Variants in RGL1 observed in about 807,000 individuals in gnomAD.
RGL1 encodes the protein ral guanine nucleotide dissociation stimulator-like 1.
In RGL1, 24 loss-of-function variants were observed where a neutral mutation model predicts 95.2. The ratio of observed to expected loss-of-function variants is 0.25; its 90% CI spans 0.18 to 0.35. RGL1 has a LOEUF of 0.35. Ranked by LOEUF, RGL1 falls within the 10% of genes least tolerant of loss-of-function variation. RGL1 has a pLI of 1.00. For missense variants in RGL1, 715 were observed against 936.3 expected (o/e 0.76, Z 3.08); for synonymous variants, 329 against 344.9 (o/e 0.95, Z 0.51).
intron 3 of RGL1, among the ~76,000 whole-genome samples, chr1:183,854,966 T>C (rs1346422920): frequency 1.3e-5 from 2 of 152,216 alleles, no homozygotes; most frequent in African/African-American, 4.8e-5. Flanking sequence ...TCAAGGCATT[T>C]ATTATTATTT....
chr1:183,654,449 T>C (rs1231447989), intron 1 of RGL1, among the ~76,000 whole-genome samples: 2 of 152,216 alleles, frequency 1.3e-5, no homozygotes, highest in Admixed American at 1.3e-4. Context: ...GACAATCTAT[T>C]GCAAACATTA....
At chr1:183,805,469 G>A (rs1661229396) in intron 1 of RGL1, 145 bp downstream of exon 1, 1 of 744,864 alleles carries the variant, frequency 1.3e-6, no homozygotes, top group South Asian at 1.6e-5. Flanking sequence ...ACTCCGCTTT[G>A]TATTCCTCTC....
At chr1:183,905,679 G>A (rs565845626) in intron 13 of RGL1, among the ~76,000 whole-genome samples, 11 of 152,236 alleles carry the variant, frequency 7.2e-5, no homozygotes, top group African/African-American at 2.4e-4. Context: ...GCATAGAAAG[G>A]CATGTTCACT....
At chr1:183,670,175 C>T (rs145364140) in intron 1 of RGL1, among the ~76,000 whole-genome samples, 4 of 152,322 alleles carry the variant, frequency 2.6e-5, no homozygotes, top group Admixed American at 6.5e-5. Context: ...CCACACTTTA[C>T]ATGGGAAGGA....
intron 1 of RGL1, among the ~76,000 whole-genome samples, chr1:183,692,194 A>G (rs1191787753): frequency 1.3e-5 from 2 of 152,238 alleles, no homozygotes. Context: ...GGAATGTAGT[A>G]TCTTCAGAAC....
chr1:183,785,210 T>A (rs1660097592), intron 2 of RGL1, among the ~76,000 whole-genome samples: 1 of 152,220 alleles, frequency 6.6e-6, no homozygotes, highest in Admixed American at 6.5e-5. Flanking sequence ...CCCACCCTCT[T>A]TGTCATCTGG....
intron 2 of RGL1, among the ~76,000 whole-genome samples, chr1:183,787,811 T>TA (rs550206663): frequency 6.0e-5 from 9 of 150,266 alleles, no homozygotes; most frequent in East Asian, 1.9e-4. Context: ...AGCTGATTGT[T>TA]AAAAAAAACA....
intron 4 of RGL1, among the ~76,000 whole-genome samples, chr1:183,866,888 A>G (rs1486317628): frequency 6.6e-6 from 1 of 152,096 alleles, no homozygotes; most frequent in African/African-American, 2.4e-5. Flanking sequence ...GGCTGAAGCA[A>G]TAGCAGTGAA....
At chr1:183,668,207 CT>C (rs1309682563) in intron 1 of RGL1, among the ~76,000 whole-genome samples, 1 of 152,098 alleles carries the variant, frequency 6.6e-6, no homozygotes, top group Non-Finnish European at 1.5e-5. Flanking sequence ...CTTTGAAGAA[CT>C]TTTAAAAATA....
At position 183,805,194 on chromosome 1, in the gene RGL1, CG is replaced by C; in HGVS notation, c.-101del. 1.3e-6 allele frequency: 2 copies of C among 1,500,840 alleles called. No homozygotes were observed. The highest frequency in any genetic ancestry group is 9.0e-7 in the Non-Finnish European group (1 of 1,115,958). The allele number at this position is 1,500,840 out of a possible 1,614,324, so 93.0% of individuals were successfully genotyped here. A position where few individuals can be genotyped will look rare whatever the true frequency, so the allele number is the denominator to read the frequency against. ...TCTGTGCGCTGCGGTCGCTCGGGAC[CG>C]GGACCGGGGCGAGGCGCCGCGGGGC... On this transcript the variant is annotated 5_prime_UTR_variant, in exon 1 of 18. Coordinates refer to ENST00000360851, the MANE Select transcript of RGL1 (RefSeq NM_001297671.3).
At chr1:183,921,066 C>A (rs956356414) in intron 16 of RGL1, among the ~76,000 whole-genome samples, 4 of 152,168 alleles carry the variant, frequency 2.6e-5, no homozygotes, top group African/African-American at 9.7e-5. Context: ...TCATTCACTT[C>A]TTTCAAACTT....
intron 2 of RGL1, among the ~76,000 whole-genome samples, chr1:183,756,478 G>A (rs187927124): frequency 6.6e-6 from 1 of 152,292 alleles, no homozygotes; most frequent in East Asian, 1.9e-4. Flanking sequence ...AGAAACTTAG[G>A]AAGTATCCTG....
At chr1:183,697,796 T>C (rs990963355) in intron 1 of RGL1, among the ~76,000 whole-genome samples, 29 of 152,354 alleles carry the variant, frequency 1.9e-4, no homozygotes, top group African/African-American at 5.3e-4. Flanking sequence ...GTTAATCTAA[T>C]TGAGTATATT....
chr1:183,900,119 TA>T (rs1384344782), intron 10 of RGL1, 30 bp from the exon 11 acceptor site: 2 of 1,582,924 alleles, frequency 1.3e-6, no homozygotes, highest in African/African-American at 1.3e-5. Flanking sequence ...TCAATGACAA[TA>T]AAGACAGTTT....
At chr1:183,849,326 T>G (rs752255564) in intron 3 of RGL1, among the ~76,000 whole-genome samples, 2 of 152,092 alleles carry the variant, frequency 1.3e-5, no homozygotes, top group Non-Finnish European at 2.9e-5. Context: ...ATAAAAGGCT[T>G]AGAACAGTGG....
At chr1:183,720,821 T>G (rs1229510178) in intron 1 of RGL1, among the ~76,000 whole-genome samples, 2 of 152,140 alleles carry the variant, frequency 1.3e-5, no homozygotes, top group Non-Finnish European at 2.9e-5. Context: ...AATGTCTGTT[T>G]GAGACTTTTA....
intron 9 of RGL1, among the ~76,000 whole-genome samples, chr1:183,892,861 T>C (rs1667499400): frequency 6.6e-6 from 1 of 152,242 alleles, no homozygotes; most frequent in Admixed American, 6.5e-5. Context: ...GGAACTAGCA[T>C]AGACCAAATA....
intron 17 of RGL1, among the ~76,000 whole-genome samples, chr1:183,924,366 A>G (rs1387433448): frequency 1.3e-5 from 2 of 152,220 alleles, no homozygotes; most frequent in African/African-American, 4.8e-5. Context: ...TAACACAGGA[A>G]CAAAAAACCA....
chr1:183,688,479 A>G (rs1653752811), intron 1 of RGL1, among the ~76,000 whole-genome samples: 2 of 152,176 alleles, frequency 1.3e-5, no homozygotes, highest in Admixed American at 1.3e-4. Flanking sequence ...AGAGAGAGAC[A>G]GCAAGGACTT....
Sources: gnomAD v4.1 joint callset for allele counts (sites outside exome capture counted in the v4.1 genomes callset) on GRCh38, gnomAD v4.1.1 for gene constraint, MANE v1.5 for transcripts, NCBI Gene and HGNC (gene_info 2026-07-23, HGNC 2026-07-21) for gene names.